Variants in MLLT3 observed in about 807,000 individuals in gnomAD.
MLLT3 encodes MLLT3 super elongation complex subunit.
In MLLT3, 4 loss-of-function variants were observed where a neutral mutation model predicts 53.2. The ratio of observed to expected loss-of-function variants is 0.08; its 90% confidence interval spans 0.04 to 0.17. The LOEUF (loss-of-function observed/expected upper bound fraction) is 0.17, where lower values mean the gene tolerates loss of function less well. MLLT3 is among the 10% of genes least tolerant of loss of function. The pLI, the probability that MLLT3 is intolerant of heterozygous loss-of-function variation, is 1.00. For missense variants in MLLT3, 569 were observed against 684.0 expected, an observed-to-expected ratio of 0.83 and a Z score of 1.87; for synonymous variants, 283 against 230.6, an observed-to-expected ratio of 1.23 and a Z score of -2.06.
At chr9:20,349,932 G>C (rs1045626442) in intron 10 of MLLT3, among the ~76,000 whole-genome samples, 1 of 152,212 alleles carries the variant, frequency 6.6e-6, no homozygotes, top group East Asian at 1.9e-4. Context: ...TAGTAGCAGT[G>C]GCAGCAGCTG....
chr9:20,614,572 A>G (rs1820778681), intron 2 of MLLT3, among the ~76,000 whole-genome samples: 1 of 152,142 alleles, frequency 6.6e-6, no homozygotes, highest in African/African-American at 2.4e-5. Flanking sequence ...AACTATAGTT[A>G]TATATGAAAA....
chr9:20,364,682 AT>A (rs990201875), intron 6 of MLLT3, among the ~76,000 whole-genome samples: 1 of 152,020 alleles, frequency 6.6e-6, no homozygotes, highest in Admixed American at 6.6e-5. Flanking sequence ...CTTTTATTTT[AT>A]TTTTTTCCTG....
chr9:20,418,811 T>C (rs527411615), intron 4 of MLLT3, among the ~76,000 whole-genome samples: 1 of 152,228 alleles, frequency 6.6e-6, no homozygotes, highest in East Asian at 1.9e-4. Context: ...CACACAGGTA[T>C]GGCCAGCCTT....
intron 2 of MLLT3, among the ~76,000 whole-genome samples, chr9:20,504,015 C>A (rs889105838): frequency 6.6e-6 from 1 of 152,024 alleles, no homozygotes; most frequent in African/African-American, 2.4e-5. Context: ...TCACTTCACA[C>A]GTGCTAGAAT....
chr9:20,488,699 T>G (rs1328880185), intron 2 of MLLT3, among the ~76,000 whole-genome samples: 2 of 152,160 alleles, frequency 1.3e-5, no homozygotes, highest in African/African-American at 4.8e-5. Context: ...TCTCCTGAAA[T>G]GAAATTTGGT....
At chr9:20,536,527 C>T (rs555672803) in intron 2 of MLLT3, among the ~76,000 whole-genome samples, 1 of 152,314 alleles carries the variant, frequency 6.6e-6, no homozygotes, top group East Asian at 1.9e-4. Context: ...AATTAAAATG[C>T]TATATGCCTA....
intron 2 of MLLT3, among the ~76,000 whole-genome samples, chr9:20,511,427 T>C (rs1192101970): frequency 3.3e-5 from 5 of 152,228 alleles, no homozygotes; most frequent in African/African-American, 4.8e-5. Context: ...AAATTTTAAG[T>C]ATAACACAAT....
intron 5 of MLLT3, among the ~76,000 whole-genome samples, chr9:20,388,662 T>A (rs1351980937): frequency 6.6e-6 from 1 of 151,142 alleles, no homozygotes; most frequent in Admixed American, 6.6e-5. Context: ...AAACAAAGAA[T>A]AAACAGGAAG....
At chr9:20,474,499 G>A (rs576121910) in intron 2 of MLLT3, among the ~76,000 whole-genome samples, 194 of 152,002 alleles carry the variant, frequency 1.3e-3, no homozygotes, top group Non-Finnish European at 2.1e-3. Flanking sequence ...TCCTATACAC[G>A]AGTCTCCTCA....
At chr9:20,514,161 A>C (rs1416223590) in intron 2 of MLLT3, among the ~76,000 whole-genome samples, 1 of 152,158 alleles carries the variant, frequency 6.6e-6, no homozygotes, top group Non-Finnish European at 1.5e-5. Context: ...TGCAGTATGG[A>C]AGTGTAGGGG....
chr9:20,619,274 T>C (rs1373858352), intron 2 of MLLT3, among the ~76,000 whole-genome samples: 1 of 152,250 alleles, frequency 6.6e-6, no homozygotes, highest in African/African-American at 2.4e-5. Flanking sequence ...GATTTATTTA[T>C]TAACCATCCA....
At chr9:20,488,162 A>G (rs1427227552) in intron 2 of MLLT3, among the ~76,000 whole-genome samples, 1 of 152,124 alleles carries the variant, frequency 6.6e-6, no homozygotes, top group African/African-American at 2.4e-5. Context: ...AGTCACATTA[A>G]TAGAGACAGA....
At chr9:20,440,585 G>A (rs138011505) in intron 4 of MLLT3, among the ~76,000 whole-genome samples, 2 of 152,238 alleles carry the variant, frequency 1.3e-5, no homozygotes, top group East Asian at 3.9e-4. Flanking sequence ...TGCACTCACA[G>A]ACAACTCCCT....
chr9:20,426,934 C>A (rs1823152515), intron 4 of MLLT3, among the ~76,000 whole-genome samples: 1 of 152,070 alleles, frequency 6.6e-6, no homozygotes, highest in Non-Finnish European at 1.5e-5. Context: ...TCTCTAAAGA[C>A]CAAACCTGGG....
chr9:20,535,899 G>C (rs1373832481), intron 2 of MLLT3, among the ~76,000 whole-genome samples: 1 of 151,990 alleles, frequency 6.6e-6, no homozygotes, highest in Non-Finnish European at 1.5e-5. Context: ...GACCCAATGA[G>C]GTTGCCTTTT....
intron 5 of MLLT3, chr9:20,410,650 C>A (rs1035072717): frequency 2.0e-5 from 3 of 152,056 alleles, no homozygotes; most frequent in African/African-American, 7.2e-5. Context: ...TCTCTTCTCA[C>A]ATACAAAGGA....
At chr9:20,488,616 C>T (rs1824871341) in intron 2 of MLLT3, among the ~76,000 whole-genome samples, 2 of 152,094 alleles carry the variant, frequency 1.3e-5, no homozygotes, top group Non-Finnish European at 2.9e-5. Context: ...ATGAATAGAT[C>T]TCCAAAAATA....
intron 4 of MLLT3, among the ~76,000 whole-genome samples, chr9:20,436,874 A>G (rs561138451): frequency 2.6e-5 from 4 of 152,316 alleles, no homozygotes; most frequent in South Asian, 4.1e-4. Flanking sequence ...GAAAGTGTTC[A>G]TGGGTTTTTC....
intron 5 of MLLT3, among the ~76,000 whole-genome samples, chr9:20,400,920 T>A (rs1309740366): frequency 6.6e-6 from 1 of 152,168 alleles, no homozygotes; most frequent in Admixed American, 6.6e-5. Context: ...GAATTTGTAT[T>A]TTAGAAAGTT....
Sources: gnomAD v4.1 joint callset for allele counts (sites outside exome capture counted in the v4.1 genomes callset) on GRCh38, gnomAD v4.1.1 for gene constraint, MANE v1.5 for transcripts, NCBI Gene and HGNC (gene_info 2026-07-23, HGNC 2026-07-21) for gene names.